ASIC2: variants seen among roughly 807,000 people sequenced by gnomAD.
ASIC2 encodes acid-sensing ion channel 2.
A neutral mutation model predicts 57.3 loss-of-function variants in ASIC2; 25 were observed. The observed-to-expected ratio is 0.44, with a 90% confidence interval of 0.32 to 0.61. ASIC2 has a LOEUF of 0.61. ASIC2 is among the 20% of genes least tolerant of loss of function. The pLI is 0.06. For missense variants in ASIC2, 641 were observed against 738.1 expected (o/e 0.87, Z 1.52); for synonymous variants, 319 against 307.5 (o/e 1.04, Z -0.39).
At chr17:33,507,290 T>C (rs1410403085) in intron 1 of ASIC2, among the ~76,000 whole-genome samples, 2 of 152,164 alleles carry the variant, frequency 1.3e-5, no homozygotes, top group African/African-American at 4.8e-5. Context: ...GCCCACAGAC[T>C]CTATGCTGAG....
intron 1 of ASIC2, among the ~76,000 whole-genome samples, chr17:33,783,091 C>T (rs1194655822): frequency 6.6e-6 from 1 of 152,210 alleles, no homozygotes; most frequent in East Asian, 1.9e-4. Flanking sequence ...TACTCCTTTT[C>T]ACCCCATCAC....
At chr17:33,288,823 G>C (rs751660645) in intron 1 of ASIC2, among the ~76,000 whole-genome samples, 4 of 152,106 alleles carry the variant, frequency 2.6e-5, no homozygotes, top group Non-Finnish European at 5.9e-5. Context: ...CAAGAATAGA[G>C]AGATTAAGTC....
At chr17:34,108,174 T>C (rs938143567) in intron 1 of ASIC2, among the ~76,000 whole-genome samples, 2 of 152,138 alleles carry the variant, frequency 1.3e-5, no homozygotes, top group Non-Finnish European at 2.9e-5. Context: ...TAATACTCCA[T>C]TGAGTGACTG....
intron 1 of ASIC2, among the ~76,000 whole-genome samples, chr17:33,663,251 C>A (rs1157077370): frequency 2.0e-5 from 3 of 152,194 alleles, no homozygotes; most frequent in African/African-American, 7.2e-5. Flanking sequence ...TGAGTCAAAT[C>A]CGGGTTTGTC....
chr17:33,364,453 A>G (rs918159685), intron 1 of ASIC2, among the ~76,000 whole-genome samples: 4 of 152,172 alleles, frequency 2.6e-5, no homozygotes, highest in African/African-American at 7.2e-5. Context: ...CTCATGTTGA[A>G]TTATAATCCC....
At chr17:33,338,287 G>A (rs1446042509) in intron 1 of ASIC2, among the ~76,000 whole-genome samples, 3 of 152,198 alleles carry the variant, frequency 2.0e-5, no homozygotes, top group Admixed American at 1.3e-4. Flanking sequence ...TGCTCTGGAA[G>A]GGCAAGGAGA....
At chr17:33,516,465 C>T (rs1644205312) in intron 1 of ASIC2, among the ~76,000 whole-genome samples, 1 of 151,734 alleles carries the variant, frequency 6.6e-6, no homozygotes, top group African/African-American at 2.4e-5. Flanking sequence ...GTTGCTCCTT[C>T]AGTTACAGTA....
chr17:33,674,150 C>T (rs1434148044), intron 1 of ASIC2, among the ~76,000 whole-genome samples: 3 of 152,162 alleles, frequency 2.0e-5, no homozygotes, highest in African/African-American at 4.8e-5. Context: ...ACCTCGGCCT[C>T]CCAAAGTGCT....
At chr17:33,333,207 T>C (rs1907386229) in intron 1 of ASIC2, among the ~76,000 whole-genome samples, 1 of 152,226 alleles carries the variant, frequency 6.6e-6, no homozygotes, top group Non-Finnish European at 1.5e-5. Flanking sequence ...AATTTGGTGA[T>C]ATAAATCAGG....
chr17:33,025,175 T>C (rs1200210528), intron 5 of ASIC2, among the ~76,000 whole-genome samples: 2 of 152,082 alleles, frequency 1.3e-5, no homozygotes, highest in Non-Finnish European at 2.9e-5. Flanking sequence ...TGAACGAACT[T>C]GAGGGCACAT....
intron 1 of ASIC2, among the ~76,000 whole-genome samples, chr17:34,123,786 A>T (rs777094298): frequency 2.0e-5 from 3 of 152,202 alleles, no homozygotes; most frequent in Non-Finnish European, 2.9e-5. Flanking sequence ...GCTTTTTAAA[A>T]ATAGTAAGTT....
At chr17:33,084,904 C>G (rs2092129001) in intron 3 of ASIC2, among the ~76,000 whole-genome samples, 1 of 152,130 alleles carries the variant, frequency 6.6e-6, no homozygotes, top group East Asian at 1.9e-4. Flanking sequence ...GTTAAGAAAG[C>G]AATCTTTGGA....
In ASIC2 at chr17:33,514,763, G is replaced by A. The variant is rs973446516; in HGVS notation, c.556-402696C>T. On this transcript the variant is annotated intron_variant, in intron 1 of 9. Transcript: ENST00000359872. ...CACGTGGTCTTGGAAAGGCAGCCTT[G>A]TCTGTCCTCTACCTCATGGGCTACT... 3.3e-5 allele frequency among the ~76,000 whole-genome samples: 5 copies of A among 152,212 alleles called. 1 individual carries two copies. Among genetic ancestry groups the A allele is most frequent in the African/African-American group, 1.2e-4 (5 of 41,452 alleles).
chr17:33,846,817 C>T (rs925571143), intron 1 of ASIC2, among the ~76,000 whole-genome samples: 5 of 151,936 alleles, frequency 3.3e-5, no homozygotes, highest in Admixed American at 2.0e-4. Context: ...CTCTGCCTCC[C>T]GGGTTCACGC....
At chr17:33,164,576 G>GCGCA (rs386418951) in intron 1 of ASIC2, among the ~76,000 whole-genome samples, 12,258 of 149,864 alleles carry the variant, frequency 0.082, 623 homozygotes, top group Non-Finnish European at 0.12. Flanking sequence ...GCACATGCAC[G>GCGCA]CACACACACA....
At chr17:34,037,767 G>T in intron 1 of ASIC2, 1 of 1,614,132 alleles carries the variant, frequency 6.2e-7, no homozygotes, top group South Asian at 1.1e-5. Context: ...TCCTCCTTTC[G>T]GTAGGCCAAG....
chr17:33,631,062 A>G (rs968894859), intron 1 of ASIC2, among the ~76,000 whole-genome samples: 17 of 152,312 alleles, frequency 1.1e-4, no homozygotes, highest in African/African-American at 2.4e-5. Flanking sequence ...AAACCTGGGT[A>G]AGGAGCAAGT....
intron 1 of ASIC2, among the ~76,000 whole-genome samples, chr17:33,212,650 T>A (rs111961755): frequency 0.017 from 2,541 of 152,256 alleles, 60 homozygotes; most frequent in African/African-American, 0.052. Context: ...GAATGGGGTA[T>A]GAGAAGCATG....
At position 33,984,707 on chromosome 17, in the gene ASIC2, T is replaced by C. The variant is rs143005968; in HGVS notation, c.555+171271A>G. Reference sequence around the variant, plus strand: ...TGTCTGTCTAAGCTGGTGCTGGAAATAATGAAGATGAGATGGAAACACCAG... The same window carrying C: ...TGTCTGTCTAAGCTGGTGCTGGAAACAATGAAGATGAGATGGAAACACCAG... On this transcript the variant is annotated intron_variant, in intron 1 of 9. Coordinates refer to the ASIC2 transcript ENST00000359872. Among the ~76,000 whole-genome samples the C allele has an allele frequency of 9.2e-3, 1,405 of 152,240 alleles. 29 individuals are homozygous for C. Among genetic ancestry groups the C allele is most frequent in the African/African-American group, 0.032 (1,339 of 41,556 alleles).
Sources: gnomAD v4.1 joint callset for allele counts (sites outside exome capture counted in the v4.1 genomes callset) on GRCh38, gnomAD v4.1.1 for gene constraint, MANE v1.5 for transcripts, NCBI Gene and HGNC (gene_info 2026-07-23, HGNC 2026-07-21) for gene names.